USP9Y: variants seen among roughly 807,000 people sequenced by gnomAD.
USP9Y encodes ubiquitin carboxyl-terminal hydrolase 9Y.
Under a neutral mutation model 53.1 loss-of-function variants are expected in USP9Y, and 41 were observed. The ratio of observed to expected loss-of-function variants is 0.77; its 90% confidence interval spans 0.60 to 1.00. The LOEUF is 1.00. USP9Y is among the 50% of genes least tolerant of loss of function. The pLI, the probability that USP9Y is intolerant of heterozygous loss-of-function variation, is 0.00. For missense variants in USP9Y, 567 were observed against 535.8 expected, an observed-to-expected ratio of 1.06 and a Z score of -0.58; for synonymous variants, 220 against 173.7, an observed-to-expected ratio of 1.27 and a Z score of -2.09.
chrY:12,762,841 C>G (rs2053476712), intron 15 of USP9Y, among the ~76,000 whole-genome samples: 1 of 33,527 alleles, frequency 3.0e-5, no homozygotes, highest in Non-Finnish European at 7.4e-5. Flanking sequence ...TTTTCTAGAA[C>G]TAATCATTTA....
intron 7 of USP9Y, among the ~76,000 whole-genome samples, chrY:12,728,258 G>T: frequency 9.6e-5 from 3 of 31,325 alleles, no homozygotes; most frequent in Non-Finnish European, 1.5e-4. Context: ...TTTAAATTTT[G>T]TTGCTATTAT....
At chrY:12,734,868 G>A in intron 7 of USP9Y, among the ~76,000 whole-genome samples, 3 of 31,718 alleles carry the variant, frequency 9.5e-5, no homozygotes, top group Admixed American at 2.9e-4. Context: ...TCAGGAGTTC[G>A]AGACCAGCCT....
At chrY:12,777,971 G>T (rs2053494157) in intron 19 of USP9Y, 48 bp from the exon 20 acceptor site, 3 of 327,895 alleles carry the variant, frequency 9.1e-6, no homozygotes, top group Non-Finnish European at 1.3e-5. Context: ...TATCATTGTG[G>T]TTTTTTCTTT....
At chrY:12,717,230 T>C (rs2053431597) in intron 3 of USP9Y, among the ~76,000 whole-genome samples, 1 of 32,128 alleles carries the variant, frequency 3.1e-5, no homozygotes, top group Admixed American at 2.9e-4. Flanking sequence ...TAGATTCTCA[T>C]AGGAGCATGA....
At chrY:12,741,521 G>A (rs2053457074) in intron 12 of USP9Y, among the ~76,000 whole-genome samples, 1 of 33,331 alleles carries the variant, frequency 3.0e-5, no homozygotes, top group African/African-American at 1.2e-4. Context: ...TTTGTCTTCT[G>A]AGGTGTTGGT....
intron 4 of USP9Y, among the ~76,000 whole-genome samples, chrY:12,721,529 C>T: frequency 6.1e-5 from 2 of 32,644 alleles, no homozygotes; most frequent in African/African-American, 2.4e-4. Context: ...GTGTGTGGTG[C>T]CCTTTGCATC....
At chrY:12,826,583 TA>T (rs2053546265) in intron 33 of USP9Y, among the ~76,000 whole-genome samples, 1 of 17,731 alleles carries the variant, frequency 5.6e-5, no homozygotes. Context: ...GATCCTATCT[TA>T]AAAAAAAAAC....
chrY:12,846,401 G>A lies in USP9Y; in HGVS notation c.6637G>A (p.Glu2213Lys), dbSNP rs757006857. Residue 2213 changes from glutamate (E) to lysine (K), a missense_variant, in exon 40 of 46, where the codon GAA becomes AAA. Transcript: ENST00000338981. ...TACCTTTATGCTTGTGTCTTTAGACGAAGGACCAGGTCCTCCAATCAAATA... is the reference window on the plus strand; with the variant it reads ...TACCTTTATGCTTGTGTCTTTAGACAAAGGACCAGGTCCTCCAATCAAATA... ...PATFMLVSLD[E>K]GPGPPIKYQY... 6 of 395,564 alleles carry A rather than the reference G, an allele frequency of 1.5e-5. No homozygotes were observed. Among genetic ancestry groups the A allele is most frequent in the African/African-American group, 1.3e-4 (2 of 15,403 alleles).
At chrY:12,849,188 G>A in intron 42 of USP9Y, among the ~76,000 whole-genome samples, 2 of 33,176 alleles carry the variant, frequency 6.0e-5, no homozygotes, top group African/African-American at 1.2e-4. Flanking sequence ...CTTGTAAGTT[G>A]TATTCCTATG....
intron 3 of USP9Y, among the ~76,000 whole-genome samples, chrY:12,716,917 A>G (rs2053431390): frequency 5.9e-5 from 2 of 33,992 alleles, no homozygotes; most frequent in African/African-American, 2.3e-4. Context: ...CTCTTCTGCT[A>G]TTGATTTCTA....
intron 12 of USP9Y, among the ~76,000 whole-genome samples, chrY:12,742,494 G>A: frequency 3.0e-5 from 1 of 33,024 alleles, no homozygotes; most frequent in South Asian, 6.7e-4. Context: ...GCTGATTGTT[G>A]TGTTTACAAT....
In USP9Y at chrY:12,791,498, G is replaced by A; in HGVS notation, c.3688-1G>A. The A allele has an allele frequency of 2.5e-6, 1 of 394,439 alleles. No individual in the cohort carries two copies. Among genetic ancestry groups the A allele is most frequent in the Non-Finnish European group, 3.6e-6 (1 of 280,610 alleles). On this transcript the variant is annotated splice_acceptor_variant, in intron 25 of 45. Coordinates refer to ENST00000338981, the MANE Select transcript of USP9Y (RefSeq NM_004654.4). LOFTEE classifies it high-confidence loss of function. ...TTTAATTATTTATTTCTTTTCTGCA[G>A]GCTTCAAGATATATGCCTGATATTT...
intron 12 of USP9Y, among the ~76,000 whole-genome samples, chrY:12,753,746 T>A (rs2053466035): frequency 3.0e-5 from 1 of 33,662 alleles, no homozygotes; most frequent in Non-Finnish European, 7.4e-5. Flanking sequence ...TCTGCAGTCA[T>A]AGCTGTTTTA....
Position 12,816,293 on chromosome Y carries a change from A to G in USP9Y, c.4779A>G (p.Thr1593=). 1 of 399,044 alleles carries G rather than the reference A, an allele frequency of 2.5e-6. No homozygotes were observed. Among genetic ancestry groups the G allele is most frequent in the Non-Finnish European group, 3.5e-6 (1 of 283,535 alleles). ...ACAGTATTCTTGCAATTGAAGGCACAGGTAGTGATTTACACGATGATATGT... is the reference window on the plus strand; with the variant it reads ...ACAGTATTCTTGCAATTGAAGGCACGGGTAGTGATTTACACGATGATATGT... ...IRNSILAIEG[T]GSDLHDDMFG... The change falls in exon 32 of 46, where the codon ACA becomes ACG. Residue 1593 remains threonine, a synonymous_variant. Coordinates refer to ENST00000338981, the MANE Select transcript of USP9Y (RefSeq NM_004654.4).
chrY:12,814,254 C>T (rs2053533835), intron 31 of USP9Y, among the ~76,000 whole-genome samples: 1 of 32,243 alleles, frequency 3.1e-5, no homozygotes, highest in Non-Finnish European at 7.6e-5. Flanking sequence ...TATGGCCGGG[C>T]GCGGTGGCTC....
intron 12 of USP9Y, among the ~76,000 whole-genome samples, chrY:12,742,599 C>T: frequency 3.0e-5 from 1 of 33,334 alleles, no homozygotes; most frequent in East Asian, 7.8e-4. Context: ...AGAAGCTCAG[C>T]TGACTTCACC....
intron 11 of USP9Y, among the ~76,000 whole-genome samples, chrY:12,738,645 C>T (rs111691221): frequency 3.8e-3 from 120 of 31,992 alleles, no homozygotes; most frequent in African/African-American, 0.013. Context: ...AGGTTCACAC[C>T]ATTCTCTGCC....
At chrY:12,753,038 G>A (rs2053465486) in intron 12 of USP9Y, among the ~76,000 whole-genome samples, 1 of 33,037 alleles carries the variant, frequency 3.0e-5, no homozygotes, top group African/African-American at 1.2e-4. Flanking sequence ...GGGCAGTGGC[G>A]TGATCACAGT....
intron 33 of USP9Y, among the ~76,000 whole-genome samples, chrY:12,827,326 A>G (rs2053547227): frequency 3.0e-5 from 1 of 33,368 alleles, no homozygotes; most frequent in Non-Finnish European, 7.4e-5. Flanking sequence ...TTCCTATACT[A>G]TGCACTGTTT....
Sources: gnomAD v4.1 joint callset for allele counts (sites outside exome capture counted in the v4.1 genomes callset) on GRCh38, gnomAD v4.1.1 for gene constraint, MANE v1.5 for transcripts, NCBI Gene and HGNC (gene_info 2026-07-23, HGNC 2026-07-21) for gene names.